SLC24A2: variants seen among roughly 807,000 people sequenced by gnomAD.
SLC24A2 encodes solute carrier family 24 member 2.
Under a neutral mutation model 62.0 loss-of-function variants are expected in SLC24A2, and 36 were observed. The observed-to-expected ratio is 0.58, with a 90% CI of 0.44 to 0.77. The LOEUF is 0.77. SLC24A2 is among the 30% of genes least tolerant of loss of function. The pLI is 0.00. For synonymous variants in SLC24A2, 358 were observed against 294.0 expected, an observed-to-expected ratio of 1.22 and a Z score of -2.23; for missense variants, 846 against 817.9, an observed-to-expected ratio of 1.03 and a Z score of -0.42.
the SLC24A2 span, among the ~76,000 whole-genome samples, chr9:20,201,869 A>T: frequency 0.011 from 1,698 of 152,288 alleles, 30 homozygotes; most frequent in African/African-American, 0.039. Context: ...AAAACGTGGC[A>T]ATTAGGGTGA....
In SLC24A2 at chr9:19,511,361, C is replaced by A. The variant is rs1479783206; in HGVS notation, c.*4792G>T. 1.3e-5 allele frequency: 2 copies of A among 152,102 alleles called. No homozygotes were observed. Among genetic ancestry groups the A allele is most frequent in the Non-Finnish European group, 2.9e-5 (2 of 68,002 alleles). 9.4% of individuals were successfully genotyped at this position (152,102 alleles called of 1,614,324 possible). On this transcript the variant is annotated 3_prime_UTR_variant, in exon 11 of 11. Transcript: ENST00000341998. ...GAATAGGGCAGGGTTACTTTTCTTA[C>A]CCAAGGTCTTCCTGAGATTATTTTT...
At chr9:20,099,820 G>A in the SLC24A2 span, among the ~76,000 whole-genome samples, 7 of 151,968 alleles carry the variant, frequency 4.6e-5, no homozygotes, top group Non-Finnish European at 1.0e-4. Flanking sequence ...CTTGGTAATG[G>A]TAGAATGTCA....
intron 2 of SLC24A2, among the ~76,000 whole-genome samples, chr9:19,745,524 G>A (rs1425621545): frequency 1.3e-5 from 2 of 152,044 alleles, no homozygotes; most frequent in Admixed American, 6.6e-5. Context: ...AAACTCTGGG[G>A]GTAGATTCAG....
At chr9:19,947,801 A>AG in the SLC24A2 span, among the ~76,000 whole-genome samples, 4 of 115,608 alleles carry the variant, frequency 3.5e-5, no homozygotes, top group African/African-American at 6.2e-5. Context: ...AAAAAAAAAA[A>AG]AAAAAAAAAA....
the SLC24A2 span, among the ~76,000 whole-genome samples, chr9:19,837,549 T>C: frequency 7.2e-6 from 1 of 138,112 alleles, no homozygotes; most frequent in African/African-American, 2.7e-5. Context: ...TTCAACACAG[T>C]GTTGGAAGTT....
chr9:19,990,118 G>A, the SLC24A2 span, among the ~76,000 whole-genome samples: 1 of 152,206 alleles, frequency 6.6e-6, no homozygotes, highest in South Asian at 2.1e-4. Context: ...TAAGTGTTGT[G>A]CCTGCATTAT....
intron 2 of SLC24A2, among the ~76,000 whole-genome samples, chr9:19,739,443 C>A (rs1257642731): frequency 1.3e-5 from 2 of 152,114 alleles, no homozygotes; most frequent in African/African-American, 4.8e-5. Flanking sequence ...ATATCTCAAT[C>A]TTTATTACAA....
Position 19,515,955 on chromosome 9 carries a change from A to C in SLC24A2, c.*198T>G, listed in dbSNP as rs1334225823. On this transcript the variant is annotated 3_prime_UTR_variant, in exon 11 of 11. Transcript: ENST00000341998. ...TTCTCTTTGTCTTTTACATGAAGTC[A>C]TTTCAGTAGGCAGGGTGGAAGCAGC... 1.5e-6 allele frequency: 1 copy of C among 677,746 alleles called. No homozygotes were observed. Among genetic ancestry groups the C allele is most frequent in the Non-Finnish European group, 2.6e-6 (1 of 385,794 alleles). The allele number at this position is 677,746 out of a possible 1,614,324, so 42.0% of individuals were successfully genotyped here. A position where few individuals can be genotyped will look rare whatever the true frequency, so the allele number is the denominator to read the frequency against.
At chr9:20,031,660 A>G in the SLC24A2 span, among the ~76,000 whole-genome samples, 1 of 152,296 alleles carries the variant, frequency 6.6e-6, no homozygotes, top group East Asian at 1.9e-4. Flanking sequence ...AAAAGGTGTC[A>G]CTACAAAACT....
At chr9:20,264,714 T>C in the SLC24A2 span, among the ~76,000 whole-genome samples, 614 of 152,332 alleles carry the variant, frequency 4.0e-3, 2 homozygotes, top group African/African-American at 0.014. Flanking sequence ...TGGTAAAATA[T>C]AGGTGCTTAA....
the SLC24A2 span, among the ~76,000 whole-genome samples, chr9:20,024,804 A>G: frequency 6.6e-6 from 1 of 152,182 alleles, no homozygotes; most frequent in Non-Finnish European, 1.5e-5. Flanking sequence ...GACTAGTCCC[A>G]AAGCATGAAG....
At chr9:19,527,165 G>A (rs1025785280) in intron 9 of SLC24A2, among the ~76,000 whole-genome samples, 1 of 152,078 alleles carries the variant, frequency 6.6e-6, no homozygotes, top group African/African-American at 2.4e-5. Flanking sequence ...ATGTTGCCAA[G>A]TATAATAATT....
At chr9:19,643,257 T>TA in intron 2 of SLC24A2, among the ~76,000 whole-genome samples, 1 of 152,298 alleles carries the variant, frequency 6.6e-6, no homozygotes, top group Middle Eastern at 3.4e-3. Context: ...ATAAAACTAT[T>TA]ACGTATAATC....
At chr9:19,673,950 T>C (rs1819492905) in intron 2 of SLC24A2, among the ~76,000 whole-genome samples, 2 of 152,326 alleles carry the variant, frequency 1.3e-5, no homozygotes, top group Middle Eastern at 3.4e-3. Context: ...TTATTTATTG[T>C]ATTTTTGTTT....
chr9:19,924,303 A>G, the SLC24A2 span, among the ~76,000 whole-genome samples: 1 of 152,304 alleles, frequency 6.6e-6, no homozygotes, highest in Admixed American at 6.5e-5. Context: ...GCAATTTCAG[A>G]TGTGTCATCC....
chr9:20,101,037 C>T, the SLC24A2 span, among the ~76,000 whole-genome samples: 2,297 of 152,304 alleles, frequency 0.015, 30 homozygotes, highest in Non-Finnish European at 0.022. Flanking sequence ...TTGCGGAAAC[C>T]CTGCCTTCAC....
chr9:19,867,723 C>A, the SLC24A2 span, among the ~76,000 whole-genome samples: 1 of 152,148 alleles, frequency 6.6e-6, no homozygotes, highest in African/African-American at 2.4e-5. Flanking sequence ...TCCTGGCTAA[C>A]ATGGTGAAAC....
chr9:19,786,311 C>T lies in SLC24A2; in HGVS notation c.556G>A (p.Ala186Thr). ...GATFMAAGGS[A>T]PELFTSLIGV... ...ATGAGAGATGTGAAAAGTTCTGGGG[C>T]TGACCCTCCTGCAGCCATGAAGGTG... Residue 186 changes from alanine to threonine, a missense_variant, in exon 2 of 11, where the codon GCC becomes ACC. Transcript: ENST00000341998. The surrounding 1 kb of genome is among the most constrained non-coding windows in gnomAD (Gnocchi z 5.0). 3.1e-6 allele frequency: 5 copies of T among 1,614,172 alleles called. No homozygotes were observed. The highest frequency in any genetic ancestry group is 4.2e-6 in the Non-Finnish European group (5 of 1,180,034).
At chr9:20,128,960 A>T in the SLC24A2 span, among the ~76,000 whole-genome samples, 2 of 152,114 alleles carry the variant, frequency 1.3e-5, no homozygotes, top group African/African-American at 2.4e-5. Context: ...AAAAGTAAAA[A>T]CTTCTGTGCA....
Sources: allele counts gnomAD v4.1 joint callset (sites outside exome capture counted in the v4.1 genomes callset), GRCh38; gene constraint gnomAD v4.1.1; non-coding constraint Gnocchi (gnomAD v3.1); transcripts MANE v1.5; gene names NCBI Gene and HGNC (gene_info 2026-07-23, HGNC 2026-07-21).